CBLB: variants seen among roughly 807,000 people sequenced by gnomAD.
CBLB encodes the protein Cbl proto-oncogene B.
In CBLB, 31 loss-of-function variants were observed where a neutral mutation model predicts 104.9. The ratio of observed to expected loss-of-function variants is 0.30; its 90% confidence interval spans 0.22 to 0.40. The LOEUF (loss-of-function observed/expected upper bound fraction) is 0.40. Among genes scored for constraint, CBLB ranks in the 10% least tolerant of loss-of-function variants. The pLI, the probability that CBLB is intolerant of heterozygous loss-of-function variation, is 1.00. For missense variants in CBLB, 1,062 were observed against 1,214.6 expected, an observed-to-expected ratio of 0.87 and a Z score of 1.87; for synonymous variants, 440 against 422.6, an observed-to-expected ratio of 1.04 and a Z score of -0.51.
intron 2 of CBLB, among the ~76,000 whole-genome samples, chr3:105,862,722 A>G (rs1389285678): frequency 6.6e-6 from 1 of 152,184 alleles, no homozygotes; most frequent in Non-Finnish European, 1.5e-5. Context: ...TTAAGACAAA[A>G]TTATTTGACA....
At chr3:105,788,100 G>A (rs1306476247) in intron 3 of CBLB, among the ~76,000 whole-genome samples, 2 of 152,126 alleles carry the variant, frequency 1.3e-5, no homozygotes, top group African/African-American at 2.4e-5. Flanking sequence ...AACATCAGAT[G>A]TAAAAATTTT....
At chr3:105,692,760 G>A (rs1385014284) in intron 13 of CBLB, among the ~76,000 whole-genome samples, 1 of 151,350 alleles carries the variant, frequency 6.6e-6, no homozygotes, top group East Asian at 1.9e-4. Context: ...CAGTTACAGT[G>A]AACAAAATAT....
At chr3:105,806,422 A>G (rs1029424993) in intron 3 of CBLB, among the ~76,000 whole-genome samples, 6 of 151,760 alleles carry the variant, frequency 4.0e-5, no homozygotes, top group African/African-American at 1.5e-4. Flanking sequence ...CTCCACTTCA[A>G]AACAAAAATA....
At chr3:105,776,985 G>T (rs753663220) in intron 3 of CBLB, among the ~76,000 whole-genome samples, 1 of 152,088 alleles carries the variant, frequency 6.6e-6, no homozygotes, top group Non-Finnish European at 1.5e-5. Context: ...GACCTGGAGA[G>T]GAGAGAAAGG....
At chr3:105,748,392 T>C (rs953355805) in intron 5 of CBLB, among the ~76,000 whole-genome samples, 3 of 152,128 alleles carry the variant, frequency 2.0e-5, no homozygotes, top group Non-Finnish European at 2.9e-5. Flanking sequence ...CACTATTCCA[T>C]TGATGCTACA....
intron 4 of CBLB, among the ~76,000 whole-genome samples, chr3:105,774,351 T>C (rs900329132): frequency 1.3e-5 from 2 of 152,212 alleles, no homozygotes; most frequent in Non-Finnish European, 2.9e-5. Flanking sequence ...TAAAATATTA[T>C]GGAACCACAA....
chr3:105,748,898 T>G (rs1306738802), intron 5 of CBLB, among the ~76,000 whole-genome samples: 1 of 152,160 alleles, frequency 6.6e-6, no homozygotes, highest in Non-Finnish European at 1.5e-5. Context: ...CACCTTCAGT[T>G]CCCTTTCTGC....
At chr3:105,754,768 A>G (rs1245352474) in intron 4 of CBLB, among the ~76,000 whole-genome samples, 1 of 152,228 alleles carries the variant, frequency 6.6e-6, no homozygotes, top group African/African-American at 2.4e-5. Flanking sequence ...ATATAATTTC[A>G]GGATCTTTTT....
At chr3:105,868,267 G>A (rs1578048278) in intron 1 of CBLB, 1 of 1,223,010 alleles carries the variant, frequency 8.2e-7, no homozygotes, top group East Asian at 3.2e-5. Flanking sequence ...AAAATGACAA[G>A]AGCGGCCACG....
At position 105,801,534 on chromosome 3, in the gene CBLB, A is replaced by G. The variant is rs373650039; in HGVS notation, c.420-24992T>C. 9.9e-5 allele frequency among the ~76,000 whole-genome samples: 15 copies of G among 152,268 alleles called. No individual in the cohort carries two copies. The East Asian group carries it at 1.2e-3, about 12-fold the overall frequency. ...TAAGACAGGTCTGAACAATTTTTTCATTTTACGAAGAACTTTGATGTGCTT... is the reference window on the plus strand; with the variant it reads ...TAAGACAGGTCTGAACAATTTTTTCGTTTTACGAAGAACTTTGATGTGCTT... On this transcript the variant is annotated intron_variant, in intron 3 of 18. Coordinates refer to ENST00000394030, the MANE Select transcript of CBLB (RefSeq NM_170662.5).
intron 12 of CBLB, among the ~76,000 whole-genome samples, chr3:105,697,344 G>A (rs1449100195): frequency 6.6e-6 from 1 of 151,888 alleles, no homozygotes; most frequent in African/African-American, 2.4e-5. Context: ...ATGTTTTCTT[G>A]TGATTCAGAT....
chr3:105,710,686 C>T (rs1258740832), intron 10 of CBLB, among the ~76,000 whole-genome samples: 3 of 151,930 alleles, frequency 2.0e-5, no homozygotes, highest in Admixed American at 6.6e-5. Context: ...TTAAGTTCTT[C>T]AATCCTAGTA....
At chr3:105,694,132 T>A (rs184111041) in intron 12 of CBLB, among the ~76,000 whole-genome samples, 23 of 152,108 alleles carry the variant, frequency 1.5e-4, no homozygotes, top group Middle Eastern at 6.8e-3. Context: ...AGACCTGTTC[T>A]GGCTTTCCAA....
chr3:105,734,661 T>TA (rs1374397631), intron 8 of CBLB, among the ~76,000 whole-genome samples: 4 of 152,220 alleles, frequency 2.6e-5, no homozygotes, highest in African/African-American at 9.6e-5. Flanking sequence ...GGTCCACACT[T>TA]ACTATTTCAC....
At chr3:105,761,506 G>C (rs1038689858) in intron 4 of CBLB, among the ~76,000 whole-genome samples, 5 of 152,162 alleles carry the variant, frequency 3.3e-5, no homozygotes, top group Non-Finnish European at 7.3e-5. Context: ...AGCCACATGA[G>C]ATCTGAGGGT....
At chr3:105,687,815 TG>T (rs1051715527) in intron 13 of CBLB, among the ~76,000 whole-genome samples, 18 of 146,404 alleles carry the variant, frequency 1.2e-4, no homozygotes, top group Admixed American at 7.0e-5. Context: ...TATCCAGTTC[TG>T]AAAAAAAAAA....
chr3:105,754,211 AAAAC>A (rs1440720338), intron 4 of CBLB, among the ~76,000 whole-genome samples: 3 of 152,134 alleles, frequency 2.0e-5, no homozygotes, highest in Non-Finnish European at 4.4e-5. Flanking sequence ...AAAGTCTTTA[AAAAC>A]AAACAAAAAA....
At chr3:105,826,365 A>T (rs2153068538) in intron 3 of CBLB, among the ~76,000 whole-genome samples, 1 of 152,324 alleles carries the variant, frequency 6.6e-6, no homozygotes, top group Non-Finnish European at 1.5e-5. Context: ...ATTAAACAAG[A>T]CATGCTATCC....
Position 105,659,109 on chromosome 3 carries a change from G to C in CBLB, c.2810C>G (p.Ala937Gly). Residue 937 changes from alanine (A) to glycine (G), a missense_variant, in exon 19 of 19, where the codon GCA (alanine) becomes GGA (glycine). By Grantham distance (60) the Ala-to-Gly change is moderately conservative (BLOSUM62 0). Transcript: ENST00000394030. ...AALENVDAKI[A>G]KLMGEGYAFE... ...GGCATAACCCTCTCCCATGAGTTTT[G>C]CAATTTTTGCATCGACATTTTCCAA... 1 of 1,613,900 alleles carries C rather than the reference G, an allele frequency of 6.2e-7. No individual in the cohort carries two copies. The highest frequency in any genetic ancestry group is 1.1e-5 in the South Asian group (1 of 91,072).
Sources: gnomAD v4.1 joint callset for allele counts (sites outside exome capture counted in the v4.1 genomes callset) on GRCh38, gnomAD v4.1.1 for gene constraint, MANE v1.5 for transcripts, NCBI Gene and HGNC (gene_info 2026-07-23, HGNC 2026-07-21) for gene names.